The following TULP4 variants were observed in gnomAD, a reference collection of about 807,000 sequenced individuals.
The protein encoded by TULP4 is TUB like protein 4, also known as tubby-related protein 4.
TULP4 carries 16 observed loss-of-function variants against 129.0 expected under a neutral mutation model. The observed-to-expected ratio is 0.12, with a 90% CI of 0.08 to 0.19. The LOEUF (loss-of-function observed/expected upper bound fraction) is 0.19, where lower values mean the gene tolerates loss of function less well. Among genes scored for constraint, TULP4 ranks in the 10% least tolerant of loss-of-function variants. The pLI is 1.00. For synonymous variants in TULP4, 998 were observed against 854.0 expected (o/e 1.17, Z -2.94); for missense variants, 1,842 against 2,059.1 (o/e 0.89, Z 2.04).
At chr6:158,430,267 CAAAG>C (rs1378177243) in intron 3 of TULP4, among the ~76,000 whole-genome samples, 6 of 151,922 alleles carry the variant, frequency 3.9e-5, no homozygotes, top group South Asian at 2.1e-4. Flanking sequence ...CGTAAGACAA[CAAAG>C]AAGCCCATCC....
At chr6:158,492,203 T>G (rs534126679) in intron 9 of TULP4, among the ~76,000 whole-genome samples, 1 of 152,330 alleles carries the variant, frequency 6.6e-6, no homozygotes, top group African/African-American at 2.4e-5. Context: ...GATATCTGTA[T>G]GGCCATATAG....
At chr6:158,308,800 CA>C (rs1779269086), upstream of TULP4, among the ~76,000 whole-genome samples, 2 of 146,216 alleles carry the variant, frequency 1.4e-5, no homozygotes, top group African/African-American at 2.5e-5. Context: ...GCTGGCCGGG[CA>C]GAGGGGCTCC....
chr6:158,439,543 C>T (rs1005914579), intron 3 of TULP4, among the ~76,000 whole-genome samples: 1 of 152,030 alleles, frequency 6.6e-6, no homozygotes, highest in African/African-American at 2.4e-5. Flanking sequence ...TTCCAGGAGC[C>T]TGCTGGTTTT....
chr6:158,237,282 T>C lies in TULP4; in HGVS notation n.68+4979T>C. The stretch of plus-strand genomic sequence containing the variant: ...TTCTTGCTGTATTACCTTTATTATA[T>C]TCCTAATGTTACCGAGACTAGTTTA... On this transcript the variant is annotated intron_variant and non_coding_transcript_variant, in intron 1 of 1. Transcript: ENST00000620026. 3.1e-6 allele frequency: 4 copies of C among 1,274,414 alleles called. No individual in the cohort carries two copies. The South Asian group carries it at 3.7e-5, about 12-fold the overall frequency. The allele number at this position is 1,274,414 out of a possible 1,614,324, so 78.9% of individuals were successfully genotyped here. A position where few individuals can be genotyped will look rare whatever the true frequency, so the allele number is the denominator to read the frequency against.
chr6:158,325,683 A>G (rs6455572), intron 1 of TULP4, among the ~76,000 whole-genome samples: 130,978 of 152,156 alleles, frequency 0.86, 56,807 homozygotes, highest in South Asian at 0.93. Flanking sequence ...TGTCTTAGGA[A>G]TTCTTATTTT....
intron 1 of TULP4, among the ~76,000 whole-genome samples, chr6:158,256,844 A>T (rs1235418522): frequency 6.6e-6 from 1 of 152,118 alleles, no homozygotes; most frequent in East Asian, 1.9e-4. Context: ...ATCAGTGGGT[A>T]TCCAGGCAGG....
chr6:158,345,935 A>C (rs752215915), intron 1 of TULP4, among the ~76,000 whole-genome samples: 1 of 152,156 alleles, frequency 6.6e-6, no homozygotes, highest in Non-Finnish European at 1.5e-5. Context: ...TGCCCCCAGG[A>C]ATGCAATCCT....
In TULP4 at chr6:158,493,691, G is replaced by C. The variant is rs1780266217; in HGVS notation, c.1750G>C (p.Glu584Gln). ...GGGCTCGCCCAGCCTGACTCGGAGA[G>C]AGTTTCCTTTTGAAGACATCACTCA... Reference protein sequence around the residue: ...SVGSPSLTRREFPFEDITQHN... With the variant: ...SVGSPSLTRRQFPFEDITQHN... The change falls in exon 10 of 14, where the codon GAG becomes CAG. Residue 584 changes from glutamate to glutamine, a missense_variant. Physicochemically the swap from Glu to Gln is conservative, Grantham distance 29. Transcript: ENST00000367097. The surrounding 1 kb of genome is among the most constrained non-coding windows in gnomAD (Gnocchi z 4.4). The C allele has an allele frequency of 6.3e-7, 1 of 1,591,146 alleles. No homozygotes were observed. The highest frequency in any genetic ancestry group is 1.1e-5 in the South Asian group (1 of 87,914).
At chr6:158,291,748 A>C (rs1297485174) in intron 1 of TULP4, among the ~76,000 whole-genome samples, 1 of 152,138 alleles carries the variant, frequency 6.6e-6, no homozygotes, top group Non-Finnish European at 1.5e-5. Context: ...GCTATAAAAA[A>C]ATTGGGTAAT....
In TULP4 at chr6:158,509,902, C is replaced by A. The variant is rs1340233917; in HGVS notation, c.*3208C>A. On this transcript the variant is annotated 3_prime_UTR_variant, in exon 14 of 14. Coordinates refer to ENST00000367097, the MANE Select transcript of TULP4 (RefSeq NM_020245.5). Reference sequence around the variant, plus strand: ...TCAGTCAGTCTCTGTTGACTAAATACGACGAAAATTCATACTTTATGCAGG... The same window carrying A: ...TCAGTCAGTCTCTGTTGACTAAATAAGACGAAAATTCATACTTTATGCAGG... 1 of 152,100 alleles carries A rather than the reference C, an allele frequency of 6.6e-6. No homozygotes were observed. The highest frequency in any genetic ancestry group is 1.5e-5 in the Non-Finnish European group (1 of 68,020). The allele number at this position is 152,100 out of a possible 1,614,324, so 9.4% of individuals were successfully genotyped here. A position where few individuals can be genotyped will look rare whatever the true frequency, so the allele number is the denominator to read the frequency against.
At chr6:158,411,251 A>G (rs1778094629) in intron 1 of TULP4, among the ~76,000 whole-genome samples, 2 of 152,160 alleles carry the variant, frequency 1.3e-5, no homozygotes, top group Admixed American at 1.3e-4. Flanking sequence ...CAATATATTC[A>G]TAATTGCTGT....
At chr6:158,449,448 A>G (rs1286002009) in intron 4 of TULP4, among the ~76,000 whole-genome samples, 3 of 152,120 alleles carry the variant, frequency 2.0e-5, no homozygotes, top group East Asian at 1.9e-4. Flanking sequence ...AGTGAGACAC[A>G]TGGCTCTTCC....
intron 1 of TULP4, among the ~76,000 whole-genome samples, chr6:158,314,896 C>T (rs1159337005): frequency 6.6e-6 from 1 of 152,132 alleles, no homozygotes; most frequent in Non-Finnish European, 1.5e-5. Context: ...AAAATATAAG[C>T]AGTGGGATTA....
intron 1 of TULP4, among the ~76,000 whole-genome samples, chr6:158,240,359 T>A (rs1777857803): frequency 1.5e-5 from 1 of 66,690 alleles, no homozygotes; most frequent in African/African-American, 5.2e-5. Context: ...CTCCCCCACC[T>A]CCCTCCCGGA....
intron 2 of TULP4, among the ~76,000 whole-genome samples, chr6:158,418,258 C>T (rs536998872): frequency 1.4e-3 from 206 of 152,048 alleles, no homozygotes; most frequent in Non-Finnish European, 2.2e-3. Context: ...AGGCATGCAT[C>T]ACCACACCCG....
At chr6:158,388,909 GGC>G (rs1255498936) in intron 1 of TULP4, among the ~76,000 whole-genome samples, 1 of 152,132 alleles carries the variant, frequency 6.6e-6, no homozygotes, top group Non-Finnish European at 1.5e-5. Flanking sequence ...CAGCAGAGGT[GGC>G]ACCTCCCACC....
intron 1 of TULP4, among the ~76,000 whole-genome samples, chr6:158,306,889 G>A (rs1488748314): frequency 6.6e-6 from 1 of 152,086 alleles, no homozygotes; most frequent in Non-Finnish European, 1.5e-5. Context: ...ATGTGGTGGT[G>A]TGCACCTGTG....
intron 1 of TULP4, among the ~76,000 whole-genome samples, chr6:158,401,858 G>A (rs889830200): frequency 6.6e-6 from 1 of 151,650 alleles, no homozygotes; most frequent in African/African-American, 2.4e-5. Flanking sequence ...ATAATTTTGA[G>A]TGATCATTGG....
chr6:158,302,916 G>C (rs1037052900), intron 1 of TULP4, among the ~76,000 whole-genome samples: 3 of 151,672 alleles, frequency 2.0e-5, no homozygotes, highest in Non-Finnish European at 4.4e-5. Context: ...CCAGTGCAAG[G>C]CAAGATAAAT....
Sources: gnomAD v4.1 joint callset for allele counts (sites outside exome capture counted in the v4.1 genomes callset) on GRCh38, gnomAD v4.1.1 for gene constraint, Gnocchi (gnomAD v3.1) non-coding constraint, MANE v1.5 for transcripts, NCBI Gene and HGNC (gene_info 2026-07-23, HGNC 2026-07-21) for gene names.